DNER: variants seen among roughly 807,000 people sequenced by gnomAD.
DNER encodes the protein delta and Notch-like epidermal growth factor-related receptor.
In DNER, 33 loss-of-function variants were observed where a neutral mutation model predicts 78.2. The observed-to-expected ratio is 0.42, with a 90% CI of 0.32 to 0.56. The LOEUF (loss-of-function observed/expected upper bound fraction) is 0.56. DNER is among the 20% of genes least tolerant of loss of function. DNER has a pLI of 0.11. For synonymous variants in DNER, 417 were observed against 384.8 expected, an observed-to-expected ratio of 1.08 and a Z score of -0.98; for missense variants, 918 against 975.3, an observed-to-expected ratio of 0.94 and a Z score of 0.78.
At chr2:229,398,517 A>G (rs963018576) in intron 10 of DNER, among the ~76,000 whole-genome samples, 1 of 152,166 alleles carries the variant, frequency 6.6e-6, no homozygotes, top group African/African-American at 2.4e-5. Context: ...TTTTACTTCA[A>G]TACCAAAACT....
chr2:229,385,414 G>A (rs1692841920), intron 11 of DNER, among the ~76,000 whole-genome samples: 1 of 152,174 alleles, frequency 6.6e-6, no homozygotes, highest in Admixed American at 6.5e-5. Context: ...ACTGGCACAA[G>A]ACAAGGATGC....
chr2:229,532,936 G>C (rs997430630), intron 5 of DNER, among the ~76,000 whole-genome samples: 30 of 152,178 alleles, frequency 2.0e-4, no homozygotes, highest in Non-Finnish European at 3.1e-4. Flanking sequence ...CTGGGCATGG[G>C]GGTGTGGGTG....
chr2:229,526,450 T>C (rs1223200505), intron 5 of DNER, among the ~76,000 whole-genome samples: 3 of 152,188 alleles, frequency 2.0e-5, no homozygotes, highest in African/African-American at 7.2e-5. Context: ...GTTAATACCC[T>C]AGAGCAGCAG....
chr2:229,448,701 T>C (rs1396784876), intron 7 of DNER, among the ~76,000 whole-genome samples: 5 of 152,216 alleles, frequency 3.3e-5, no homozygotes, highest in African/African-American at 4.8e-5. Flanking sequence ...TGCATACATG[T>C]AGGTATATAT....
At chr2:229,689,665 G>C (rs767862910) in intron 1 of DNER, among the ~76,000 whole-genome samples, 2 of 152,214 alleles carry the variant, frequency 1.3e-5, no homozygotes. Flanking sequence ...GGGGTGCTGG[G>C]GAGTGGGGAG....
chr2:229,499,635 G>A (rs1469370324), intron 6 of DNER, among the ~76,000 whole-genome samples: 2 of 148,764 alleles, frequency 1.3e-5, no homozygotes, highest in African/African-American at 2.5e-5. Flanking sequence ...AAAAATAGAA[G>A]AGCTCTGTGG....
rs112010788 is a variant in DNER at position 229,493,774 on chromosome 2, C to G, written c.1148-16521G>C. On this transcript the variant is annotated intron_variant, in intron 6 of 12. Transcript: ENST00000341772. ...ATCAGGTACTTGCATTCCTTCAATA[C>G]CCATAACCAGCCATGATGAGACTTG... Among the ~76,000 whole-genome samples, 471 of 152,270 alleles carry G rather than the reference C, an allele frequency of 3.1e-3. 1 individual carries two copies. Among genetic ancestry groups the G allele is most frequent in the African/African-American group, 0.011 (446 of 41,564 alleles).
Position 229,687,759 on chromosome 2 carries a change from C to A in DNER, c.276+26389G>T, listed in dbSNP as rs1032300872. Among the ~76,000 whole-genome samples the A allele has an allele frequency of 3.0e-4, 45 of 152,200 alleles. 1 individual carries two copies. Among genetic ancestry groups the A allele is most frequent in the Admixed American group, 1.8e-3 (27 of 15,280 alleles). ...ATGAAATTTGACACTACTTATCTGT[C>A]ACAACATTTTAATATCTGTAGCTGC... On this transcript the variant is annotated intron_variant, in intron 1 of 12. Transcript: ENST00000341772.
At chr2:229,713,972 A>G (rs867944417) in intron 1 of DNER, among the ~76,000 whole-genome samples, 176 bp downstream of exon 1, 1 of 152,050 alleles carries the variant, frequency 6.6e-6, no homozygotes. Flanking sequence ...TAAGGGAATC[A>G]GGGTCGGCCC....
At chr2:229,502,317 C>T (rs572302342) in intron 6 of DNER, among the ~76,000 whole-genome samples, 1 of 152,256 alleles carries the variant, frequency 6.6e-6, no homozygotes, top group East Asian at 1.9e-4. Flanking sequence ...CACCTGAGTC[C>T]ATGAAATGGG....
chr2:229,465,392 A>T (rs1371995745), intron 7 of DNER, among the ~76,000 whole-genome samples: 1 of 152,122 alleles, frequency 6.6e-6, no homozygotes, highest in Non-Finnish European at 1.5e-5. Context: ...AGAACACGTG[A>T]TCACAGGGAA....
At chr2:229,466,304 G>A (rs977036973) in intron 7 of DNER, among the ~76,000 whole-genome samples, 1 of 152,042 alleles carries the variant, frequency 6.6e-6, no homozygotes, top group Non-Finnish European at 1.5e-5. Flanking sequence ...ACTGCATTTT[G>A]TTCCTCAGAT....
chr2:229,397,804 TTAAAAA>T (rs1224960961), intron 10 of DNER, among the ~76,000 whole-genome samples: 4 of 152,088 alleles, frequency 2.6e-5, no homozygotes, highest in African/African-American at 4.8e-5. Context: ...TAAAGGGACA[TTAAAAA>T]TAAAAATTAA....
chr2:229,541,468 T>TA (rs1696512318), intron 5 of DNER, among the ~76,000 whole-genome samples: 1 of 152,200 alleles, frequency 6.6e-6, no homozygotes, highest in African/African-American at 2.4e-5. Context: ...AAGTTTAATA[T>TA]ATCTAGTGTT....
Position 229,406,626 on chromosome 2 carries a change from A to T in DNER, c.1723+606T>A, listed in dbSNP as rs373679276. The stretch of plus-strand genomic sequence containing the variant: ...CTCAGCACATACACGTACAAACCAC[A>T]TTTCACATCTGTTTTTGAGATTCAC... On this transcript the variant is annotated intron_variant, in intron 10 of 12. Transcript: ENST00000341772. Among the ~76,000 whole-genome samples, 55 of 152,282 alleles carry T rather than the reference A, an allele frequency of 3.6e-4. 1 individual carries two copies. The highest frequency in any genetic ancestry group is 1.4e-3 in the East Asian group (7 of 5,180).
rs369468563 is a variant in DNER, at chr2:229,588,403, G to T, written c.671C>A (p.Thr224Asn). The T allele has an allele frequency of 6.2e-6, 10 of 1,602,294 alleles. No individual in the cohort carries two copies. The South Asian group carries it at 1.1e-4, about 18-fold the overall frequency. ...RLVSFEVPQN[T>N]SVKIRQDATA... is the part of the protein sequence containing the mutation. The stretch of plus-strand genomic sequence containing the variant: ...CTCAGAATTTTCTTACTTGACTGAG[G>T]TGTTCTGTGGCACTTCAAAGGATAC... The change falls in exon 3 of 13, where the codon ACC (threonine) becomes AAC (asparagine). Residue 224 changes from threonine (T) to asparagine (N), a missense_variant. Thr to Asn is a moderately conservative substitution (Grantham distance 65). Coordinates refer to ENST00000341772, the MANE Select transcript of DNER (RefSeq NM_139072.4).
At chr2:229,581,814 A>G (rs972744198) in intron 4 of DNER, among the ~76,000 whole-genome samples, 3 of 152,236 alleles carry the variant, frequency 2.0e-5, no homozygotes, top group Non-Finnish European at 4.4e-5. Flanking sequence ...CCAAAGACAC[A>G]GAAGGAACTC....
At chr2:229,565,534 A>G (rs1697088750) in intron 4 of DNER, among the ~76,000 whole-genome samples, 1 of 152,232 alleles carries the variant, frequency 6.6e-6, no homozygotes, top group South Asian at 2.1e-4. Flanking sequence ...TTTTTTAAAA[A>G]GTATAACCAG....
intron 7 of DNER, among the ~76,000 whole-genome samples, chr2:229,466,069 T>C (rs1286185155): frequency 6.6e-6 from 1 of 152,146 alleles, no homozygotes; most frequent in Admixed American, 6.5e-5. Context: ...CTCTAATTCT[T>C]GTCCTCCCTG....
Sources: gnomAD v4.1 joint callset for allele counts (sites outside exome capture counted in the v4.1 genomes callset) on GRCh38, gnomAD v4.1.1 for gene constraint, MANE v1.5 for transcripts, NCBI Gene and HGNC (gene_info 2026-07-23, HGNC 2026-07-21) for gene names.